Variants in PPP2R2B observed in about 807,000 individuals in gnomAD.
The protein encoded by PPP2R2B is serine/threonine-protein phosphatase 2A 55 kDa regulatory subunit B beta isoform.
In PPP2R2B, 5 loss-of-function variants were observed where a neutral mutation model predicts 46.0. The observed-to-expected ratio is 0.11, with a 90% CI of 0.06 to 0.23. The LOEUF (loss-of-function observed/expected upper bound fraction) is 0.23. Among genes scored for constraint, PPP2R2B ranks in the 10% least tolerant of loss-of-function variants. The pLI is 1.00. For missense variants in PPP2R2B, 367 were observed against 575.0 expected (o/e 0.64, Z 3.70); for synonymous variants, 215 against 206.7 (o/e 1.04, Z -0.34).
chr5:146,689,924 C>T (rs1166488859), intron 5 of PPP2R2B, among the ~76,000 whole-genome samples: 4 of 152,162 alleles, frequency 2.6e-5, no homozygotes, highest in East Asian at 3.9e-4. Flanking sequence ...AGGGTAAACA[C>T]CTAATAGTCT....
At chr5:146,673,626 G>T (rs1777515181) in intron 5 of PPP2R2B, among the ~76,000 whole-genome samples, 1 of 35,768 alleles carries the variant, frequency 2.8e-5, no homozygotes, top group African/African-American at 5.6e-5. Context: ...TCTAAAGGAA[G>T]ATTCAAAACT....
At chr5:146,633,539 G>T (rs995201864) in intron 7 of PPP2R2B, among the ~76,000 whole-genome samples, 1 of 152,234 alleles carries the variant, frequency 6.6e-6, no homozygotes, top group Admixed American at 6.5e-5. Flanking sequence ...GAAGAAGGTT[G>T]GTTCTTTGAA....
At chr5:146,735,313 C>T (rs1752471418) in intron 2 of PPP2R2B, among the ~76,000 whole-genome samples, 1 of 151,886 alleles carries the variant, frequency 6.6e-6, no homozygotes, top group African/African-American at 2.4e-5. Context: ...CAAACAGTCC[C>T]CTCCCACCAA....
Position 146,600,396 on chromosome 5 carries a change from C to T in PPP2R2B, c.855G>A (p.Ser285=), listed in dbSNP as rs772927479. ...TCCCACTGTGGCTGAACTTCACATCCGAAATCGAAGAGATAATTTCAGAGA... is the reference window on the plus strand; with the variant it reads ...TCCCACTGTGGCTGAACTTCACATCTGAAATCGAAGAGATAATTTCAGAGA... ...SFFSEIISSI[S]DVKFSHSGRY... is the part of the protein sequence containing the mutation. Residue 285 remains serine, a synonymous_variant, in exon 8 of 10, where the codon TCG becomes TCA. Coordinates refer to ENST00000394411, the MANE Select transcript of PPP2R2B (RefSeq NM_181675.4). 6.8e-6 allele frequency: 11 copies of T among 1,613,750 alleles called. No homozygotes were observed. The highest frequency in any genetic ancestry group is 5.5e-5 in the South Asian group (5 of 91,076).
rs1763972604 is a variant in PPP2R2B, at chr5:146,931,632, T to C, written c.79+124033A>G. On this transcript the variant is annotated intron_variant, in intron 1 of 8. Transcript: ENST00000336640. The stretch of plus-strand genomic sequence containing the variant: ...AAACAAGAGGCACTGGGAATAAAAT[T>C]GAAGTCACTTTTAGCTTCTTATTAG... 3.3e-5 allele frequency among the ~76,000 whole-genome samples: 5 copies of C among 152,154 alleles called. No individual in the cohort carries two copies. In the South Asian group the frequency reaches 1.0e-3, roughly 31 times the overall value.
upstream of PPP2R2B, among the ~76,000 whole-genome samples, chr5:147,058,746 T>A (rs1248950988): frequency 6.6e-6 from 1 of 152,196 alleles, no homozygotes; most frequent in African/African-American, 2.4e-5. Context: ...CTGCAGGTAG[T>A]TTGCACTGCA....
At chr5:146,698,258 T>C (rs1779299440) in intron 3 of PPP2R2B, 114 bp from the exon 4 acceptor site, 1 of 580,588 alleles carries the variant, frequency 1.7e-6, no homozygotes, top group Middle Eastern at 5.5e-4. Flanking sequence ...GGCAGGGCCA[T>C]GAGGATGAGG....
intron 2 of PPP2R2B, among the ~76,000 whole-genome samples, chr5:146,771,100 T>C (rs1269361589): frequency 6.6e-6 from 1 of 152,172 alleles, no homozygotes; most frequent in South Asian, 2.1e-4. Flanking sequence ...GATTATGAGA[T>C]AACATCAGAT....
intron 1 of PPP2R2B, among the ~76,000 whole-genome samples, chr5:147,001,901 G>T (rs531819575): frequency 7.2e-5 from 11 of 152,134 alleles, no homozygotes; most frequent in Non-Finnish European, 1.2e-4. Context: ...CTTCTGGGCT[G>T]AGCCAAGGGT....
intron 6 of PPP2R2B, among the ~76,000 whole-genome samples, chr5:146,638,676 T>C (rs78958230): frequency 0.073 from 11,125 of 152,208 alleles, 428 homozygotes; most frequent in African/African-American, 0.091. Flanking sequence ...TCTATAAACA[T>C]GTAAAAGACA....
At chr5:146,954,001 A>T (rs1413799242) in intron 1 of PPP2R2B, among the ~76,000 whole-genome samples, 8 of 152,194 alleles carry the variant, frequency 5.3e-5, no homozygotes, top group African/African-American at 1.7e-4. Context: ...AATATCTACC[A>T]ATTGGTATCT....
chr5:146,962,156 C>T (rs747065665), intron 1 of PPP2R2B, among the ~76,000 whole-genome samples: 3 of 147,206 alleles, frequency 2.0e-5, no homozygotes, highest in South Asian at 2.3e-4. Context: ...TCTTTCCACA[C>T]GTGTACTCTG....
chr5:147,056,680 A>G (rs1757096326), upstream of PPP2R2B, among the ~76,000 whole-genome samples: 1 of 152,184 alleles, frequency 6.6e-6, no homozygotes, highest in Non-Finnish European at 1.5e-5. Flanking sequence ...AGAGAGAGAG[A>G]AAAAGAGAGA....
intron 1 of PPP2R2B, among the ~76,000 whole-genome samples, chr5:146,953,262 A>AAAAT (rs1751709308): frequency 6.6e-6 from 1 of 152,224 alleles, no homozygotes; most frequent in African/African-American, 2.4e-5. Context: ...TGTTGCATTC[A>AAAAT]AAATACATAC....
At chr5:147,046,578 C>G (rs1163835278) in intron 1 of PPP2R2B, among the ~76,000 whole-genome samples, 2 of 152,038 alleles carry the variant, frequency 1.3e-5, no homozygotes, top group Non-Finnish European at 1.5e-5. Context: ...GGCACAAGAA[C>G]CAAAGACAAA....
intron 2 of PPP2R2B, among the ~76,000 whole-genome samples, chr5:146,723,803 T>C (rs1236040255): frequency 6.6e-6 from 1 of 152,150 alleles, no homozygotes; most frequent in Admixed American, 6.6e-5. Flanking sequence ...TTACCCTAAA[T>C]GTTTATTTCT....
chr5:146,970,999 G>C (rs1012674022), intron 1 of PPP2R2B, among the ~76,000 whole-genome samples: 1 of 152,026 alleles, frequency 6.6e-6, no homozygotes, highest in East Asian at 1.9e-4. Flanking sequence ...AGATCCCTTC[G>C]AAACATTTTT....
chr5:146,836,958 T>C (rs1178425611), intron 2 of PPP2R2B, among the ~76,000 whole-genome samples: 2 of 152,228 alleles, frequency 1.3e-5, no homozygotes, highest in Non-Finnish European at 1.5e-5. Flanking sequence ...TCAACAAATA[T>C]GTATTGAACA....
chr5:146,584,838 C>T lies in PPP2R2B; in HGVS notation c.*5109G>A, dbSNP rs1433399068. On this transcript the variant is annotated 3_prime_UTR_variant, in exon 10 of 10. Coordinates refer to ENST00000394411, the MANE Select transcript of PPP2R2B (RefSeq NM_181675.4). ...TCTAATGGAAGGAGAGAAACATTGG[C>T]TTTCTGTTTCCATGCCATATGGATT... 6.6e-6 allele frequency: 1 copy of T among 152,104 alleles called. No homozygotes were observed. Among genetic ancestry groups the T allele is most frequent in the African/African-American group, 2.4e-5 (1 of 41,420 alleles). The allele number at this position is 152,104 out of a possible 1,614,324, so 9.4% of individuals were successfully genotyped here. A position where few individuals can be genotyped will look rare whatever the true frequency, so the allele number is the denominator to read the frequency against.
Sources: gnomAD v4.1 joint callset for allele counts (sites outside exome capture counted in the v4.1 genomes callset) on GRCh38, gnomAD v4.1.1 for gene constraint, MANE v1.5 for transcripts, NCBI Gene and HGNC (gene_info 2026-07-23, HGNC 2026-07-21) for gene names.